The following FRMD3 variants were observed in gnomAD, a reference collection of about 807,000 sequenced individuals.
FRMD3 encodes FERM domain containing 3.
In FRMD3, 33 loss-of-function variants were observed where a neutral mutation model predicts 70.2. The observed-to-expected ratio is 0.47, with a 90% CI of 0.36 to 0.63. The LOEUF (loss-of-function observed/expected upper bound fraction) is 0.63, where lower values mean the gene tolerates loss of function less well. Ranked by LOEUF, FRMD3 falls within the 20% of genes least tolerant of loss-of-function variation. FRMD3 has a pLI of 0.00. For missense variants in FRMD3, 632 were observed against 711.4 expected, an observed-to-expected ratio of 0.89 and a Z score of 1.27; for synonymous variants, 279 against 255.9, an observed-to-expected ratio of 1.09 and a Z score of -0.86.
rs1832139593 is a variant in FRMD3 at position 83,247,034 on chromosome 9, T to C, written c.*884A>G. On this transcript the variant is annotated 3_prime_UTR_variant, in exon 14 of 14. Coordinates refer to ENST00000304195, the MANE Select transcript of FRMD3 (RefSeq NM_174938.6). ...ATCTGTTACCTTTTTTCCTTTAAAC[T>C]CTCACTTTCTTTTTAAAACATCTGC... The C allele has an allele frequency of 2.0e-6, 2 of 985,264 alleles. No homozygotes were observed. Among genetic ancestry groups the C allele is most frequent in the Admixed American group, 6.2e-5 (1 of 16,256 alleles). 61.0% of individuals were successfully genotyped at this position (985,264 alleles called of 1,614,324 possible).
chr9:83,528,829 T>C (rs2131554831), intron 1 of FRMD3, among the ~76,000 whole-genome samples: 1 of 152,244 alleles, frequency 6.6e-6, no homozygotes. Flanking sequence ...CACCCAGCAA[T>C]TCTTCAGCAT....
chr9:83,343,105 G>T (rs1823829398), intron 5 of FRMD3, 85 bp downstream of exon 5: 3 of 962,206 alleles, frequency 3.1e-6, no homozygotes, highest in African/African-American at 3.2e-5. Context: ...AGGCAGGATG[G>T]CCACGGGTGG....
the FRMD3 span, among the ~76,000 whole-genome samples, chr9:83,553,554 C>T: frequency 0.013 from 1,913 of 152,184 alleles, 47 homozygotes; most frequent in African/African-American, 0.042. Context: ...AGGTTTTGTT[C>T]ATTCATCTCT....
chr9:83,252,880 C>A (rs1832496140), intron 13 of FRMD3, among the ~76,000 whole-genome samples: 1 of 151,930 alleles, frequency 6.6e-6, no homozygotes, highest in South Asian at 2.1e-4. Context: ...TTTATGAGAC[C>A]TACAAAAGCA....
intron 1 of FRMD3, among the ~76,000 whole-genome samples, chr9:83,500,539 C>CACACACA (rs1330312086): frequency 6.7e-5 from 9 of 135,044 alleles, no homozygotes; most frequent in African/African-American, 2.3e-4. Flanking sequence ...CACACACACA[C>CACACACA]AATGTCAATA....
intron 6 of FRMD3, among the ~76,000 whole-genome samples, chr9:83,327,904 A>T (rs1421077239): frequency 6.6e-6 from 1 of 152,132 alleles, no homozygotes; most frequent in African/African-American, 2.4e-5. Flanking sequence ...CCAATCTTTC[A>T]CTTAGAGAGG....
intron 1 of FRMD3, among the ~76,000 whole-genome samples, chr9:83,461,665 C>CTTTTTTTTTTTTT (rs200147815): frequency 1.4e-5 from 1 of 70,696 alleles, no homozygotes; most frequent in South Asian, 5.1e-4. Flanking sequence ...AGGAATTTCC[C>CTTTTTTTTTTTTT]TTTTTTTTTT....
chr9:83,474,995 T>C (rs1453692288), intron 1 of FRMD3, among the ~76,000 whole-genome samples: 2 of 152,062 alleles, frequency 1.3e-5, no homozygotes, highest in Non-Finnish European at 2.9e-5. Flanking sequence ...GAGATTGAGT[T>C]GAGATTATAA....
chr9:83,428,715 T>C (rs76111004), intron 1 of FRMD3, among the ~76,000 whole-genome samples: 2,044 of 152,314 alleles, frequency 0.013, 36 homozygotes, highest in African/African-American at 0.047. Context: ...TTGGAGAAGA[T>C]GAAGTTGGGT....
intron 2 of FRMD3, among the ~76,000 whole-genome samples, chr9:83,388,021 CA>C (rs1825560519): frequency 6.6e-6 from 1 of 152,170 alleles, no homozygotes; most frequent in Non-Finnish European, 1.5e-5. Context: ...ACATCCCCAC[CA>C]CTGCCCTGCC....
chr9:83,266,638 A>G (rs541319287), intron 13 of FRMD3, among the ~76,000 whole-genome samples: 19 of 152,230 alleles, frequency 1.2e-4, no homozygotes, highest in Admixed American at 9.2e-4. Flanking sequence ...CCTTTCAACA[A>G]TGAAAGGAGG....
At chr9:83,299,958 CA>C (rs1256934161) in intron 10 of FRMD3, among the ~76,000 whole-genome samples, 2 of 152,238 alleles carry the variant, frequency 1.3e-5, no homozygotes, top group Non-Finnish European at 2.9e-5. Flanking sequence ...GGCTCTACAG[CA>C]GTCATGTTAA....
chr9:83,574,352 C>T, the FRMD3 span, among the ~76,000 whole-genome samples: 1 of 152,130 alleles, frequency 6.6e-6, no homozygotes, highest in Non-Finnish European at 1.5e-5. Context: ...AAAAAAAATC[C>T]AAATGGGCAC....
chr9:83,482,462 T>C (rs1198640283), intron 1 of FRMD3, among the ~76,000 whole-genome samples: 1 of 152,260 alleles, frequency 6.6e-6, no homozygotes, highest in African/African-American at 2.4e-5. Flanking sequence ...ATTATATTTC[T>C]GTATCACTAA....
At chr9:83,583,711 C>A in the FRMD3 span, among the ~76,000 whole-genome samples, 20 of 152,224 alleles carry the variant, frequency 1.3e-4, no homozygotes, top group Non-Finnish European at 2.4e-4. Flanking sequence ...CAGGCTCAAG[C>A]AATCCTCCCA....
chr9:83,547,610 G>C, the FRMD3 span, among the ~76,000 whole-genome samples: 10 of 152,152 alleles, frequency 6.6e-5, no homozygotes, highest in South Asian at 1.9e-3. Context: ...ACAATCCAAT[G>C]ACATCACTAG....
chr9:83,392,722 G>A (rs975483235), intron 1 of FRMD3, among the ~76,000 whole-genome samples: 4 of 152,160 alleles, frequency 2.6e-5, no homozygotes, highest in Admixed American at 6.5e-5. Flanking sequence ...AGAGAGCCCC[G>A]GGCGAGACAA....
chr9:83,361,498 G>T (rs1824583897), intron 3 of FRMD3, among the ~76,000 whole-genome samples: 1 of 152,164 alleles, frequency 6.6e-6, no homozygotes, highest in Non-Finnish European at 1.5e-5. Context: ...ATTGTGCAAA[G>T]CTTTACTGTC....
chr9:83,294,858 GTCC>G (rs1412731970), intron 12 of FRMD3, among the ~76,000 whole-genome samples: 7 of 152,260 alleles, frequency 4.6e-5, no homozygotes, highest in African/African-American at 1.7e-4. Context: ...GCTACATGAG[GTCC>G]CACTGTGTCA....
Sources: gnomAD v4.1 joint callset for allele counts (sites outside exome capture counted in the v4.1 genomes callset) on GRCh38, gnomAD v4.1.1 for gene constraint, MANE v1.5 for transcripts, NCBI Gene and HGNC (gene_info 2026-07-23, HGNC 2026-07-21) for gene names.